The following VAV3 variants were observed in gnomAD, a reference collection of about 807,000 sequenced individuals.
The protein encoded by VAV3 is guanine nucleotide exchange factor VAV3.
A neutral mutation model predicts 131.2 loss-of-function variants in VAV3; 94 were observed. That is an observed-to-expected ratio of 0.72 (90% CI 0.61 to 0.85). The LOEUF is 0.85. Ranked by LOEUF, VAV3 falls within the 40% of genes least tolerant of loss-of-function variation. The pLI is 0.00. For synonymous variants in VAV3, 349 were observed against 342.0 expected (o/e 1.02, Z -0.22); for missense variants, 939 against 1,002.7 (o/e 0.94, Z 0.86).
chr1:107,635,607 A>T (rs549629368), intron 20 of VAV3, among the ~76,000 whole-genome samples: 79 of 152,244 alleles, frequency 5.2e-4, no homozygotes, highest in African/African-American at 1.9e-3. Flanking sequence ...GTACCCTAAA[A>T]CTTAAAGTAT....
intron 19 of VAV3, among the ~76,000 whole-genome samples, chr1:107,650,712 T>TC (rs1244446764): frequency 2.0e-5 from 1 of 49,424 alleles, no homozygotes; most frequent in Non-Finnish European, 3.6e-5. Flanking sequence ...CTCCCCCCCC[T>TC]CCCCCCACCC....
At chr1:107,668,701 T>C (rs890394782) in intron 19 of VAV3, 2 of 985,400 alleles carry the variant, frequency 2.0e-6, no homozygotes, top group African/African-American at 3.5e-5. Flanking sequence ...GTTTGGACAG[T>C]CTAGAGAGGA....
intron 17 of VAV3, among the ~76,000 whole-genome samples, chr1:107,696,454 T>C (rs1659752790): frequency 6.6e-6 from 1 of 152,192 alleles, no homozygotes; most frequent in Non-Finnish European, 1.5e-5. Context: ...ACTCCCCTTT[T>C]TGGAATTGCC....
Position 107,875,778 on chromosome 1 carries a change from G to A in VAV3, c.205-761C>T, listed in dbSNP as rs115739088. Among the ~76,000 whole-genome samples the A allele has an allele frequency of 4.5e-3, 678 of 152,284 alleles. 5 individuals carry two copies. The highest frequency in any genetic ancestry group is 0.015 in the African/African-American group (639 of 41,566). ...AGTGAAAGGGGCCGGAGCTAGGGTGGAGGCAGGAAAACCAGACATAAGGCT... is the reference window on the plus strand; with the variant it reads ...AGTGAAAGGGGCCGGAGCTAGGGTGAAGGCAGGAAAACCAGACATAAGGCT... On this transcript the variant is annotated intron_variant, in intron 1 of 26. Transcript: ENST00000370056.
intron 2 of VAV3, among the ~76,000 whole-genome samples, chr1:107,845,730 C>T (rs1348742147): frequency 6.6e-6 from 1 of 151,970 alleles, no homozygotes; most frequent in East Asian, 1.9e-4. Flanking sequence ...TGAAATAAAG[C>T]ATGAACACAA....
At chr1:107,859,849 C>T (rs1669654985) in intron 2 of VAV3, among the ~76,000 whole-genome samples, 1 of 152,036 alleles carries the variant, frequency 6.6e-6, no homozygotes, top group Non-Finnish European at 1.5e-5. Context: ...AAGAAACTAG[C>T]TATAAAATCC....
intron 2 of VAV3, among the ~76,000 whole-genome samples, chr1:107,839,439 G>A (rs189443413): frequency 1.9e-3 from 296 of 152,064 alleles, no homozygotes; most frequent in African/African-American, 6.0e-3. Context: ...CTTATGAGTC[G>A]AAAAATTCAC....
At chr1:107,747,858 A>C (rs1663449677) in intron 15 of VAV3, among the ~76,000 whole-genome samples, 1 of 152,138 alleles carries the variant, frequency 6.6e-6, no homozygotes, top group South Asian at 2.1e-4. Context: ...AATCCTGAGA[A>C]TCTTTATTTT....
At chr1:107,754,153 T>G (rs1015558259) in intron 12 of VAV3, among the ~76,000 whole-genome samples, 2 of 152,158 alleles carry the variant, frequency 1.3e-5, no homozygotes, top group African/African-American at 4.8e-5. Context: ...GAAAATAGCT[T>G]AAGTCCAGAT....
intron 17 of VAV3, among the ~76,000 whole-genome samples, chr1:107,697,222 T>G (rs1319997800): frequency 6.6e-6 from 1 of 152,134 alleles, no homozygotes; most frequent in Non-Finnish European, 1.5e-5. Context: ...CTAAAGACAT[T>G]GCCCCTTATA....
chr1:107,903,432 T>G (rs576895963), intron 1 of VAV3, among the ~76,000 whole-genome samples: 1 of 152,094 alleles, frequency 6.6e-6, no homozygotes, highest in African/African-American at 2.4e-5. Context: ...AAGCAGAAAG[T>G]AGAATGGAAT....
At chr1:107,870,338 G>GT (rs1378504701) in intron 2 of VAV3, among the ~76,000 whole-genome samples, 1 of 152,152 alleles carries the variant, frequency 6.6e-6, no homozygotes, top group East Asian at 1.9e-4. Context: ...TCTTGCAGGA[G>GT]TAAGGTGGTA....
At chr1:107,830,533 T>C (rs371146221) in intron 2 of VAV3, among the ~76,000 whole-genome samples, 60 of 152,234 alleles carry the variant, frequency 3.9e-4, no homozygotes, top group African/African-American at 8.4e-4. Flanking sequence ...ACTTCACAGG[T>C]AGCCCCAGCA....
At chr1:107,932,969 T>G (rs1673517613) in intron 1 of VAV3, among the ~76,000 whole-genome samples, 1 of 152,240 alleles carries the variant, frequency 6.6e-6, no homozygotes, top group African/African-American at 2.4e-5. Context: ...TGAATTTGGG[T>G]TATTATCAGC....
rs534880072 is a variant in VAV3 at position 107,775,294 on chromosome 1, A to G, written c.446+1937T>C. On this transcript the variant is annotated intron_variant, in intron 4 of 26. Coordinates refer to ENST00000370056, the MANE Select transcript of VAV3 (RefSeq NM_006113.5). ...CACCACTGGTATGGGTTAAAAAAGA[A>G]TATCGACTGGGCACAGTGGTTCACA... 2.9e-4 allele frequency among the ~76,000 whole-genome samples: 44 copies of G among 152,284 alleles called. No homozygotes were observed. The South Asian group carries it at 8.7e-3, about 30-fold the overall frequency.
chr1:107,913,618 A>C (rs1034701910), intron 1 of VAV3, among the ~76,000 whole-genome samples: 1 of 152,202 alleles, frequency 6.6e-6, no homozygotes, highest in Non-Finnish European at 1.5e-5. Context: ...CATGAAATAC[A>C]TAAGTACACA....
chr1:107,681,323 T>G (rs968266944), intron 19 of VAV3, among the ~76,000 whole-genome samples: 1 of 152,106 alleles, frequency 6.6e-6, no homozygotes, highest in African/African-American at 2.4e-5. Context: ...CTACGCAGAC[T>G]CAACTTTACT....
intron 1 of VAV3, among the ~76,000 whole-genome samples, chr1:107,925,900 A>ATATATATAT (rs1639011984): frequency 6.7e-6 from 1 of 149,758 alleles, no homozygotes; most frequent in Non-Finnish European, 1.5e-5. Flanking sequence ...AACATATATG[A>ATATATATAT]TATATATGTT....
At chr1:107,763,168 C>T (rs781299824) in intron 9 of VAV3, among the ~76,000 whole-genome samples, 5 of 152,156 alleles carry the variant, frequency 3.3e-5, no homozygotes, top group African/African-American at 4.8e-5. Context: ...ACTAAGTATC[C>T]GACTTAATAC....
Sources: allele counts gnomAD v4.1 joint callset (sites outside exome capture counted in the v4.1 genomes callset), GRCh38; gene constraint gnomAD v4.1.1; transcripts MANE v1.5; gene names NCBI Gene and HGNC (gene_info 2026-07-23, HGNC 2026-07-21).